Variants in SLC14A2 observed in about 807,000 individuals in gnomAD.
SLC14A2 encodes the protein solute carrier family 14 member 2, also known as urea transporter 2.
SLC14A2 carries 91 observed loss-of-function variants against 104.6 expected under a neutral mutation model. The observed-to-expected ratio is 0.87, with a 90% CI of 0.73 to 1.04. The LOEUF (loss-of-function observed/expected upper bound fraction) is 1.04. Among genes scored for constraint, SLC14A2 ranks in the 50% least tolerant of loss-of-function variants. The probability of loss-of-function intolerance (pLI) is 0.00; values close to 1 mark genes in which losing one functional copy is unlikely to be tolerated. For synonymous variants in SLC14A2, 476 were observed against 466.4 expected, an observed-to-expected ratio of 1.02 and a Z score of -0.27; for missense variants, 1,189 against 1,156.0, an observed-to-expected ratio of 1.03 and a Z score of -0.41.
intron 1 of SLC14A2, among the ~76,000 whole-genome samples, chr18:45,410,638 T>A (rs147717083): frequency 7.1e-4 from 108 of 152,316 alleles, no homozygotes; most frequent in Non-Finnish European, 1.2e-3. Context: ...CAGTTGATCA[T>A]CATTGTTTGT....
At chr18:45,355,988 G>A (rs1033421919) in intron 1 of SLC14A2, among the ~76,000 whole-genome samples, 1 of 152,166 alleles carries the variant, frequency 6.6e-6, no homozygotes, top group African/African-American at 2.4e-5. Flanking sequence ...CATAACTGGG[G>A]CAGGGGTTGG....
chr18:45,209,463 T>A (rs541230542), upstream of SLC14A2, among the ~76,000 whole-genome samples: 3 of 152,196 alleles, frequency 2.0e-5, no homozygotes, highest in South Asian at 4.1e-4. Flanking sequence ...TTATGTAAAA[T>A]ATACATTTTT....
At chr18:45,388,697 C>G (rs1352236075) in intron 1 of SLC14A2, among the ~76,000 whole-genome samples, 3 of 152,102 alleles carry the variant, frequency 2.0e-5, no homozygotes, top group African/African-American at 7.2e-5. Context: ...GTTTCTCATC[C>G]CAGATACCAA....
chr18:45,264,834 A>G (rs2084575848), intron 1 of SLC14A2, among the ~76,000 whole-genome samples: 1 of 152,158 alleles, frequency 6.6e-6, no homozygotes, highest in African/African-American at 2.4e-5. Context: ...CAGCCAAACC[A>G]TTTCACTTAG....
intron 1 of SLC14A2, among the ~76,000 whole-genome samples, chr18:45,265,125 G>C (rs2084578601): frequency 6.6e-6 from 1 of 152,078 alleles, no homozygotes; most frequent in Non-Finnish European, 1.5e-5. Flanking sequence ...TCATTTATTT[G>C]GGGTATATAA....
At chr18:45,298,022 G>A (rs886104576) in intron 1 of SLC14A2, among the ~76,000 whole-genome samples, 7 of 152,162 alleles carry the variant, frequency 4.6e-5, no homozygotes, top group Non-Finnish European at 1.0e-4. Context: ...CATTTTAAAA[G>A]TAAATGGAAC....
chr18:45,518,397 CTTCATTCATTCA>C (rs10589715), intron 2 of SLC14A2, among the ~76,000 whole-genome samples: 4 of 151,404 alleles, frequency 2.6e-5, no homozygotes, highest in African/African-American at 4.9e-5. Flanking sequence ...TAGCATTTGT[CTTCATTCATTCA>C]TTCATTCATT....
intron 10 of SLC14A2, among the ~76,000 whole-genome samples, chr18:45,663,041 C>T (rs1020147702): frequency 2.0e-5 from 3 of 152,212 alleles, no homozygotes; most frequent in African/African-American, 7.2e-5. Context: ...TAAGGTACAG[C>T]AGAGTGCTTC....
At chr18:45,414,470 T>C (rs2086247296) in intron 1 of SLC14A2, among the ~76,000 whole-genome samples, 2 of 152,070 alleles carry the variant, frequency 1.3e-5, no homozygotes, top group Non-Finnish European at 2.9e-5. Context: ...TTCTTCCCTC[T>C]CTCATCAGTC....
the SLC14A2 span, among the ~76,000 whole-genome samples, chr18:45,184,774 G>A: frequency 6.6e-6 from 1 of 152,150 alleles, no homozygotes; most frequent in African/African-American, 2.4e-5. Context: ...AAATAGTATT[G>A]TTTCACAACA....
chr18:45,500,299 C>T (rs186764035), intron 2 of SLC14A2, among the ~76,000 whole-genome samples: 1 of 151,512 alleles, frequency 6.6e-6, no homozygotes, highest in Non-Finnish European at 1.5e-5. Flanking sequence ...GCCCTTAGGC[C>T]GGGCGCGGTG....
chr18:45,251,780 C>A (rs754013927), intron 1 of SLC14A2, among the ~76,000 whole-genome samples: 1 of 152,192 alleles, frequency 6.6e-6, no homozygotes, highest in Non-Finnish European at 1.5e-5. Flanking sequence ...TTTAAAGACT[C>A]TATCTCCAAA....
At chr18:45,642,061 G>A (rs1025559011) in intron 8 of SLC14A2, among the ~76,000 whole-genome samples, 2 of 152,188 alleles carry the variant, frequency 1.3e-5, no homozygotes, top group Non-Finnish European at 2.9e-5. Context: ...ACTTGCCCTA[G>A]AAGATAGCTA....
At chr18:45,436,378 G>A (rs142589956) in intron 1 of SLC14A2, among the ~76,000 whole-genome samples, 325 of 152,180 alleles carry the variant, frequency 2.1e-3, no homozygotes, top group African/African-American at 7.4e-3. Flanking sequence ...CTTAACTAGG[G>A]CAACAGTAAT....
intron 2 of SLC14A2, among the ~76,000 whole-genome samples, chr18:45,505,345 G>C (rs2043265212): frequency 6.6e-6 from 1 of 152,138 alleles, no homozygotes. Context: ...CACCAAGACT[G>C]CCTGCTATCC....
chr18:45,423,943 CT>C (rs2086385443), intron 1 of SLC14A2: 1 of 152,164 alleles, frequency 6.6e-6, no homozygotes, highest in Admixed American at 6.5e-5. Flanking sequence ...GTTTTCATTC[CT>C]TATTCATCTC....
the SLC14A2 span, among the ~76,000 whole-genome samples, chr18:45,173,487 GA>G: frequency 0.1 from 13,849 of 137,728 alleles, 650 homozygotes; most frequent in East Asian, 0.14. Context: ...AGGGAGAAAA[GA>G]AAAAAAAAAA....
At chr18:45,174,862 T>C in the SLC14A2 span, among the ~76,000 whole-genome samples, 10 of 152,144 alleles carry the variant, frequency 6.6e-5, no homozygotes, top group South Asian at 8.3e-4. Flanking sequence ...GGCTCTTAAA[T>C]GAAAAGATGC....
chr18:45,391,011 G>A (rs1240210255), intron 1 of SLC14A2, among the ~76,000 whole-genome samples: 1 of 152,118 alleles, frequency 6.6e-6, no homozygotes. Flanking sequence ...CATGTGCCAT[G>A]TTGGTGTGCT....
Sources: allele counts gnomAD v4.1 joint callset (sites outside exome capture counted in the v4.1 genomes callset), GRCh38; gene constraint gnomAD v4.1.1; transcripts MANE v1.5; gene names NCBI Gene and HGNC (gene_info 2026-07-23, HGNC 2026-07-21).